SLC4A8: variants seen among roughly 807,000 people sequenced by gnomAD.
SLC4A8 encodes the protein electroneutral sodium bicarbonate exchanger 1.
In SLC4A8, 40 loss-of-function variants were observed where a neutral mutation model predicts 125.0. The observed-to-expected ratio is 0.32, with a 90% CI of 0.25 to 0.42. The LOEUF (loss-of-function observed/expected upper bound fraction) is 0.42, where lower values mean the gene tolerates loss of function less well. Among genes scored for constraint, SLC4A8 ranks in the 10% least tolerant of loss-of-function variants. The probability of loss-of-function intolerance (pLI) is 1.00; values close to 1 mark genes in which losing one functional copy is unlikely to be tolerated. For synonymous variants in SLC4A8, 456 were observed against 476.0 expected, an observed-to-expected ratio of 0.96 and a Z score of 0.55; for missense variants, 863 against 1,355.1, an observed-to-expected ratio of 0.64 and a Z score of 5.70.
At chr12:51,428,926 T>C (rs1258706598) in intron 1 of SLC4A8, among the ~76,000 whole-genome samples, 1 of 152,232 alleles carries the variant, frequency 6.6e-6, no homozygotes, top group Non-Finnish European at 1.5e-5. Flanking sequence ...TTTTATTTTT[T>C]GAGATGGAGT....
intron 21 of SLC4A8, 47 bp from the exon 22 acceptor site, chr12:51,496,940 A>G (rs998598147): frequency 6.3e-7 from 1 of 1,595,190 alleles, no homozygotes; most frequent in Admixed American, 1.8e-5. Context: ...AAGTCCAGGA[A>G]GGAAATTAGT....
chr12:51,429,334 T>G (rs1949110276), intron 1 of SLC4A8, among the ~76,000 whole-genome samples: 1 of 152,190 alleles, frequency 6.6e-6, no homozygotes. Context: ...CTTTGTTGCC[T>G]ATAACAGTAC....
intron 22 of SLC4A8, chr12:51,497,629 A>AATGTG (rs1225558345): frequency 6.5e-6 from 1 of 153,020 alleles, no homozygotes; most frequent in East Asian, 1.9e-4. Context: ...GCAAAGAAAG[A>AATGTG]ATGTGTAGCA....
chr12:51,458,881 T>G (rs1016716889), intron 7 of SLC4A8, among the ~76,000 whole-genome samples: 1 of 152,246 alleles, frequency 6.6e-6, no homozygotes, highest in Admixed American at 6.5e-5. Context: ...TACTGAAAAC[T>G]GGGACTAGCT....
intron 1 of SLC4A8, among the ~76,000 whole-genome samples, chr12:51,417,144 A>G (rs1490487733): frequency 1.3e-5 from 2 of 152,082 alleles, no homozygotes; most frequent in East Asian, 3.9e-4. Flanking sequence ...TAACCACATT[A>G]CCATCATCAC....
chr12:51,433,933 C>T (rs1165512289), intron 1 of SLC4A8, among the ~76,000 whole-genome samples: 4 of 144,944 alleles, frequency 2.8e-5, no homozygotes, highest in African/African-American at 7.7e-5. Context: ...TGGAGTTCAG[C>T]GTACAAACAC....
intron 14 of SLC4A8, among the ~76,000 whole-genome samples, chr12:51,473,260 A>G (rs1018835978): frequency 2.0e-5 from 3 of 152,124 alleles, no homozygotes; most frequent in Non-Finnish European, 2.9e-5. Flanking sequence ...ATGTCCTTAT[A>G]GTTTTGAATT....
chr12:51,440,865 C>T (rs907711194), intron 2 of SLC4A8, 76 bp downstream of exon 2: 7 of 1,238,428 alleles, frequency 5.7e-6, no homozygotes, highest in African/African-American at 1.5e-5. Context: ...GCTCTGTGTC[C>T]TAACTCTCTC....
intron 1 of SLC4A8, among the ~76,000 whole-genome samples, chr12:51,401,840 T>C (rs1214558420): frequency 1.3e-5 from 2 of 152,064 alleles, no homozygotes; most frequent in Non-Finnish European, 2.9e-5. Flanking sequence ...AACTCTTCAA[T>C]GCAGCCTCAG....
At chr12:51,410,177 C>T (rs955877466) in intron 1 of SLC4A8, among the ~76,000 whole-genome samples, 41 of 152,088 alleles carry the variant, frequency 2.7e-4, no homozygotes, top group African/African-American at 7.7e-4. Flanking sequence ...GAGTGCCTGG[C>T]GGGAAAGGGA....
intron 1 of SLC4A8, chr12:51,391,797 G>A (rs12322423): frequency 1.3e-5 from 2 of 152,234 alleles, no homozygotes; most frequent in Non-Finnish European, 1.5e-5. Flanking sequence ...CCGGCGGACC[G>A]GCAGAGGGGC....
At chr12:51,424,824 A>C, upstream of SLC4A8, 1 of 665,782 alleles carries the variant, frequency 1.5e-6, no homozygotes, top group South Asian at 1.9e-5. Flanking sequence ...GTTGCGGCGG[A>C]TGCCTCGCGG....
intron 7 of SLC4A8, 92 bp from the exon 8 acceptor site, chr12:51,459,854 GTGAGA>G: frequency 9.5e-7 from 1 of 1,049,766 alleles, no homozygotes. Flanking sequence ...GGGTGATGTA[GTGAGA>G]CTCTGTCTCA....
rs775672786 is a variant in SLC4A8, at chr12:51,496,984, C to A, written c.2944-3C>A. The A allele has an allele frequency of 3.7e-6, 6 of 1,608,674 alleles. No individual in the cohort carries two copies. The South Asian group carries it at 6.7e-5, about 18-fold the overall frequency. The stretch of plus-strand genomic sequence containing the variant: ...TTCACTTTTTTTTTTAATTTTTCTT[C>A]AGGTTTTGGCCTTGGTCTTTGTCAG... On this transcript the variant is annotated splice_region_variant and splice_polypyrimidine_tract_variant and intron_variant, in intron 21 of 24. Transcript: ENST00000453097.
rs550974055 is a variant in SLC4A8, at chr12:51,451,633, A to C, written c.278-491A>C. Among the ~76,000 whole-genome samples the C allele has an allele frequency of 4.8e-4, 73 of 152,268 alleles. No homozygotes were observed. The South Asian group carries it at 0.015, about 31-fold the overall frequency. Reference sequence around the variant, plus strand: ...GTTAAATATATATTAGTCTAAAGACAAACTTTAGGTGTAAGAAAATTATGG... The same window carrying C: ...GTTAAATATATATTAGTCTAAAGACCAACTTTAGGTGTAAGAAAATTATGG... On this transcript the variant is annotated intron_variant, in intron 3 of 24. Coordinates refer to ENST00000453097, the MANE Select transcript of SLC4A8 (RefSeq NM_001039960.3).
intron 2 of SLC4A8, among the ~76,000 whole-genome samples, chr12:51,442,572 TAAA>T (rs1314572395): frequency 6.6e-6 from 1 of 152,228 alleles, no homozygotes; most frequent in Admixed American, 6.5e-5. Context: ...TCTACTTTGC[TAAA>T]AAAGAATGCT....
At chr12:51,427,725 G>A (rs1949044043) in intron 1 of SLC4A8, among the ~76,000 whole-genome samples, 1 of 152,220 alleles carries the variant, frequency 6.6e-6, no homozygotes, top group African/African-American at 2.4e-5. Flanking sequence ...GATGTAAACA[G>A]AGAGGTTCCA....
chr12:51,480,142 T>C (rs1301347805), intron 16 of SLC4A8: 2 of 481,086 alleles, frequency 4.2e-6, no homozygotes, highest in South Asian at 1.9e-5. Context: ...GGTTTCCCCA[T>C]GTTGGCCAGG....
chr12:51,440,970 A>G, intron 2 of SLC4A8, 181 bp downstream of exon 2: 1 of 972,052 alleles, frequency 1.0e-6, no homozygotes, highest in Non-Finnish European at 1.4e-6. Context: ...TACTTGTCCT[A>G]CCTTACAGGG....
Sources: gnomAD v4.1 joint callset for allele counts (sites outside exome capture counted in the v4.1 genomes callset) on GRCh38, gnomAD v4.1.1 for gene constraint, MANE v1.5 for transcripts, NCBI Gene and HGNC (gene_info 2026-07-23, HGNC 2026-07-21) for gene names.